DLG2: variants seen among roughly 807,000 people sequenced by gnomAD.
The protein encoded by DLG2 is discs large MAGUK scaffold protein 2.
In DLG2, 45 loss-of-function variants were observed where a neutral mutation model predicts 132.5. That is an observed-to-expected ratio of 0.34 (90% CI 0.27 to 0.44). The LOEUF is 0.44. Ranked by LOEUF, DLG2 falls within the 20% of genes least tolerant of loss-of-function variation. The pLI is 1.00. For missense variants in DLG2, 1,045 were observed against 1,196.9 expected (o/e 0.87, Z 1.87); for synonymous variants, 424 against 419.6 (o/e 1.01, Z -0.13).
At chr11:83,619,672 G>T (rs185241938) in intron 19 of DLG2, among the ~76,000 whole-genome samples, 24 of 152,208 alleles carry the variant, frequency 1.6e-4, no homozygotes, top group African/African-American at 5.8e-4. Context: ...GGAGGTGGAA[G>T]TATCATGGAG....
At chr11:83,627,322 AG>A (rs949206305) in intron 19 of DLG2, among the ~76,000 whole-genome samples, 41 of 152,082 alleles carry the variant, frequency 2.7e-4, no homozygotes, top group African/African-American at 9.2e-4. Flanking sequence ...CTCGTCATTT[AG>A]CATTAGGTAT....
At chr11:84,839,682 T>A (rs2080340027) in intron 6 of DLG2, among the ~76,000 whole-genome samples, 1 of 151,928 alleles carries the variant, frequency 6.6e-6, no homozygotes, top group Non-Finnish European at 1.5e-5. Context: ...GCCTCAGAAA[T>A]AACACCACAC....
chr11:83,578,910 C>T (rs1255496126), intron 19 of DLG2, among the ~76,000 whole-genome samples: 1 of 152,206 alleles, frequency 6.6e-6, no homozygotes, highest in Non-Finnish European at 1.5e-5. Flanking sequence ...AGAATGTTCT[C>T]AGACCACACA....
At chr11:85,609,471 G>A (rs1031333751) in intron 2 of DLG2, among the ~76,000 whole-genome samples, 1 of 152,184 alleles carries the variant, frequency 6.6e-6, no homozygotes, top group African/African-American at 2.4e-5. Context: ...GTGGTTCAAA[G>A]AGGTCAGAAA....
chr11:84,416,860 C>T (rs2098931533), intron 7 of DLG2, among the ~76,000 whole-genome samples: 1 of 152,120 alleles, frequency 6.6e-6, no homozygotes, highest in Non-Finnish European at 1.5e-5. Flanking sequence ...CAGTAAATAA[C>T]AGAAATAATG....
intron 6 of DLG2, among the ~76,000 whole-genome samples, chr11:84,562,749 C>CTTTT (rs1307584790): frequency 2.8e-5 from 4 of 144,014 alleles, no homozygotes; most frequent in Non-Finnish European, 4.6e-5. Flanking sequence ...TTCTTTCTTT[C>CTTTT]TTTTTTTTTT....
intron 7 of DLG2, among the ~76,000 whole-genome samples, chr11:84,475,660 T>G (rs915211338): frequency 6.6e-6 from 1 of 152,104 alleles, no homozygotes; most frequent in Non-Finnish European, 1.5e-5. Flanking sequence ...ACCCCCAATT[T>G]TTTGAGAGCC....
chr11:84,314,634 G>A (rs1452752661), intron 7 of DLG2, among the ~76,000 whole-genome samples: 8 of 151,866 alleles, frequency 5.3e-5, no homozygotes, highest in Admixed American at 5.2e-4. Flanking sequence ...AGCATTCTTT[G>A]GAAGAACAAG....
intron 6 of DLG2, among the ~76,000 whole-genome samples, chr11:84,728,584 T>C (rs2062779756): frequency 6.6e-6 from 1 of 152,194 alleles, no homozygotes; most frequent in Non-Finnish European, 1.5e-5. Context: ...GGTGTTGGTA[T>C]CAGGATGATG....
At chr11:84,411,702 T>C (rs1269214430) in intron 7 of DLG2, among the ~76,000 whole-genome samples, 1 of 152,180 alleles carries the variant, frequency 6.6e-6, no homozygotes, top group African/African-American at 2.4e-5. Context: ...TAAGATCATG[T>C]CCAGTAGTCC....
In DLG2 at chr11:85,438,212, A is replaced by G. The variant is rs1482564905; in HGVS notation, c.41-152847T>C. Among the ~76,000 whole-genome samples, 7 of 152,300 alleles carry G rather than the reference A, an allele frequency of 4.6e-5. No homozygotes were observed. In the East Asian group the frequency reaches 1.4e-3, roughly 29 times the overall value. On this transcript the variant is annotated intron_variant, in intron 3 of 27. Coordinates refer to ENST00000376104, the MANE Select transcript of DLG2 (RefSeq NM_001142699.3). ...ACTCATTACCCTAAGGATGGCATCAAACTGGTCATAAGACATCTGCCCCCA... is the reference window on the plus strand; with the variant it reads ...ACTCATTACCCTAAGGATGGCATCAGACTGGTCATAAGACATCTGCCCCCA...
In DLG2 at chr11:84,829,617, T is replaced by C. The variant is rs60704674; in HGVS notation, c.357+282044A>G. 1.6e-3 allele frequency among the ~76,000 whole-genome samples: 240 copies of C among 151,838 alleles called. 1 individual carries two copies. The highest frequency in any genetic ancestry group is 5.6e-3 in the African/African-American group (234 of 41,492). On this transcript the variant is annotated intron_variant, in intron 6 of 27. Transcript: ENST00000376104. ...TTTAGCTCCTTAAGCCTAGGTGACT[T>C]TGGTCATTAATTAACCTCTCTGAAC...
chr11:84,257,204 C>T (rs1424707597), intron 7 of DLG2, among the ~76,000 whole-genome samples: 1 of 152,156 alleles, frequency 6.6e-6, no homozygotes, highest in Non-Finnish European at 1.5e-5. Context: ...TGACTTCCGC[C>T]TTCATTTCCT....
intron 18 of DLG2, among the ~76,000 whole-genome samples, chr11:83,660,242 A>G (rs772152605): frequency 3.2e-4 from 48 of 152,196 alleles, no homozygotes; most frequent in Admixed American, 1.3e-4. Flanking sequence ...ACACAGAAAC[A>G]ATAACATGTA....
intron 18 of DLG2, among the ~76,000 whole-genome samples, chr11:83,714,006 T>C (rs1015096784): frequency 6.6e-6 from 1 of 152,162 alleles, no homozygotes; most frequent in Non-Finnish European, 1.5e-5. Flanking sequence ...TCTGAAAACA[T>C]ACTATTGGGT....
chr11:85,355,358 T>A (rs540617477), intron 3 of DLG2, among the ~76,000 whole-genome samples: 1 of 152,160 alleles, frequency 6.6e-6, no homozygotes, highest in South Asian at 2.1e-4. Context: ...TATTATCCAT[T>A]ATTTTCTTTA....
At chr11:83,786,900 C>G (rs569843010) in intron 17 of DLG2, 108 bp from the exon 18 acceptor site, 1 of 785,228 alleles carries the variant, frequency 1.3e-6, no homozygotes, top group East Asian at 2.7e-5. Flanking sequence ...TCACATGCCT[C>G]AGAAACCCCT....
chr11:83,696,537 C>CA (rs1488642908), intron 18 of DLG2, among the ~76,000 whole-genome samples: 1 of 151,874 alleles, frequency 6.6e-6, no homozygotes, highest in African/African-American at 2.4e-5. Flanking sequence ...AATGGTAGTA[C>CA]AAAAAAATCC....
chr11:84,077,210 A>G (rs2096841242), intron 10 of DLG2, among the ~76,000 whole-genome samples: 1 of 152,182 alleles, frequency 6.6e-6, no homozygotes, highest in Non-Finnish European at 1.5e-5. Context: ...CTGTTTATAC[A>G]CACTCTCTCT....
Sources: allele counts gnomAD v4.1 joint callset (sites outside exome capture counted in the v4.1 genomes callset), GRCh38; gene constraint gnomAD v4.1.1; transcripts MANE v1.5; gene names NCBI Gene and HGNC (gene_info 2026-07-23, HGNC 2026-07-21).